Variants in MECOM observed in about 807,000 individuals in gnomAD.
MECOM encodes histone-lysine N-methyltransferase MECOM.
MECOM carries 13 observed loss-of-function variants against 116.3 expected under a neutral mutation model. The ratio of observed to expected loss-of-function variants is 0.11; its 90% confidence interval spans 0.07 to 0.18. The LOEUF is 0.18. Among genes scored for constraint, MECOM ranks in the 10% least tolerant of loss-of-function variants. The pLI is 1.00. For missense variants in MECOM, 1,299 were observed against 1,509.0 expected (o/e 0.86, Z 2.31); for synonymous variants, 528 against 535.2 (o/e 0.99, Z 0.19).
intron 1 of MECOM, among the ~76,000 whole-genome samples, chr3:169,416,010 C>T (rs752375811): frequency 2.2e-4 from 34 of 152,188 alleles, no homozygotes; most frequent in African/African-American, 8.2e-4. Flanking sequence ...GAAATCAGCT[C>T]TGGACCAAGT....
intron 2 of MECOM, among the ~76,000 whole-genome samples, chr3:169,377,490 C>T (rs1337622634): frequency 1.3e-5 from 2 of 152,102 alleles, no homozygotes; most frequent in African/African-American, 2.4e-5. Context: ...AAACAAACAA[C>T]CCCATCAAAA....
intron 2 of MECOM, among the ~76,000 whole-genome samples, chr3:169,243,049 A>G (rs1002265936): frequency 6.6e-6 from 1 of 152,154 alleles, no homozygotes; most frequent in African/African-American, 2.4e-5. Context: ...GCAAACCTAC[A>G]TGCTAATTTA....
chr3:169,535,656 C>T (rs539673982), intron 1 of MECOM, among the ~76,000 whole-genome samples: 6 of 152,202 alleles, frequency 3.9e-5, no homozygotes, highest in Non-Finnish European at 8.8e-5. Flanking sequence ...TATATGTTAA[C>T]TTCTTCCTTT....
chr3:169,645,218 A>G (rs1467184759), intron 1 of MECOM, among the ~76,000 whole-genome samples: 1 of 152,216 alleles, frequency 6.6e-6, no homozygotes, highest in East Asian at 1.9e-4. Flanking sequence ...GGCGTTCAAC[A>G]TCTAAACTTC....
At chr3:169,454,809 C>CA (rs1746202895) in intron 1 of MECOM, among the ~76,000 whole-genome samples, 1 of 152,146 alleles carries the variant, frequency 6.6e-6, no homozygotes, top group Admixed American at 6.5e-5. Flanking sequence ...AATAGCATGG[C>CA]AAAAAACTCA....
At chr3:169,382,208 T>C (rs1274248928) in intron 1 of MECOM, among the ~76,000 whole-genome samples, 1 of 152,152 alleles carries the variant, frequency 6.6e-6, no homozygotes, top group Non-Finnish European at 1.5e-5. Flanking sequence ...GGGTAAATTT[T>C]CCAGCGGGGA....
intron 2 of MECOM, among the ~76,000 whole-genome samples, chr3:169,321,323 C>T (rs557921074): frequency 3.9e-5 from 6 of 152,288 alleles, no homozygotes; most frequent in African/African-American, 1.2e-4. Flanking sequence ...AGGTGGATCA[C>T]GAGGTCCGGA....
intron 1 of MECOM, among the ~76,000 whole-genome samples, chr3:169,475,727 C>T (rs1438400093): frequency 1.3e-5 from 2 of 151,830 alleles, no homozygotes; most frequent in East Asian, 3.9e-4. Context: ...TTGTAAAGTA[C>T]CTAGCTTGCC....
At chr3:169,646,443 C>A (rs1044367883) in intron 1 of MECOM, among the ~76,000 whole-genome samples, 2 of 151,616 alleles carry the variant, frequency 1.3e-5, no homozygotes, top group Non-Finnish European at 2.9e-5. Flanking sequence ...GCACAGGTAC[C>A]CTAGAACTTA....
chr3:169,471,648 A>G (rs1001161483), intron 1 of MECOM, among the ~76,000 whole-genome samples: 9 of 152,140 alleles, frequency 5.9e-5, no homozygotes, highest in Admixed American at 1.3e-4. Flanking sequence ...CCTAAGTCCT[A>G]TATGTTAACC....
At chr3:169,503,833 T>C (rs1170739420) in intron 1 of MECOM, among the ~76,000 whole-genome samples, 1 of 152,336 alleles carries the variant, frequency 6.6e-6, no homozygotes, top group African/African-American at 2.4e-5. Flanking sequence ...ATGGTATTTG[T>C]ATTGGCAAAA....
rs189553996 is a variant in MECOM at position 169,381,903 on chromosome 3, T to C, written c.38-379A>G. Among the ~76,000 whole-genome samples the C allele has an allele frequency of 1.4e-4, 21 of 152,340 alleles. No individual in the cohort carries two copies. The East Asian group carries it at 3.5e-3, about 25-fold the overall frequency. ...AATTCCAAATTGGGAGCTGACAGGA[T>C]TCTAAAATATATTAGAAAGTTTTGT... On this transcript the variant is annotated intron_variant, in intron 1 of 16. Coordinates refer to ENST00000651503, the MANE Select transcript of MECOM (RefSeq NM_004991.4).
chr3:169,572,743 G>A (rs891951098), intron 1 of MECOM, among the ~76,000 whole-genome samples: 11 of 151,980 alleles, frequency 7.2e-5, no homozygotes, highest in Admixed American at 5.2e-4. Context: ...ACCAAATATC[G>A]CATATATTCT....
intron 2 of MECOM, chr3:169,146,646 G>A (rs900545412): frequency 7.3e-7 from 1 of 1,361,328 alleles, no homozygotes; most frequent in Non-Finnish European, 9.7e-7. Flanking sequence ...ACGGTGCCCC[G>A]GCAGGAAACT....
At chr3:169,573,789 A>T (rs990533333) in intron 1 of MECOM, among the ~76,000 whole-genome samples, 1 of 152,232 alleles carries the variant, frequency 6.6e-6, no homozygotes, top group African/African-American at 2.4e-5. Context: ...CCTATGGAAG[A>T]TTTTTAAATT....
At chr3:169,637,000 C>A (rs1343965874) in intron 1 of MECOM, among the ~76,000 whole-genome samples, 2 of 152,058 alleles carry the variant, frequency 1.3e-5, no homozygotes, top group African/African-American at 4.8e-5. Flanking sequence ...CTTCTCAAAT[C>A]TGGGTTGGCC....
At chr3:169,095,432 A>G (rs1721159894) in intron 12 of MECOM, among the ~76,000 whole-genome samples, 187 bp from the exon 13 acceptor site, 1 of 152,174 alleles carries the variant, frequency 6.6e-6, no homozygotes, top group African/African-American at 2.4e-5. Context: ...AAAGACTTTC[A>G]TGACTTTATC....
chr3:169,629,634 C>A (rs558047924), intron 1 of MECOM, among the ~76,000 whole-genome samples: 1 of 152,320 alleles, frequency 6.6e-6, no homozygotes, highest in East Asian at 1.9e-4. Flanking sequence ...TGTAAGGGAA[C>A]GTGCATGTAG....
chr3:169,205,638 G>A (rs58144085), intron 2 of MECOM, among the ~76,000 whole-genome samples: 27,860 of 151,948 alleles, frequency 0.18, 2,680 homozygotes, highest in East Asian at 0.31. Flanking sequence ...GGGTATCAGC[G>A]GTAATTAAAA....
Sources: gnomAD v4.1 joint callset for allele counts (sites outside exome capture counted in the v4.1 genomes callset) on GRCh38, gnomAD v4.1.1 for gene constraint, MANE v1.5 for transcripts, NCBI Gene and HGNC (gene_info 2026-07-23, HGNC 2026-07-21) for gene names.